Variants in DNAH17 observed in about 807,000 individuals in gnomAD.
DNAH17 encodes the protein dynein axonemal heavy chain 17.
DNAH17 carries 376 observed loss-of-function variants against 485.6 expected under a neutral mutation model. The observed-to-expected ratio is 0.77, with a 90% confidence interval of 0.71 to 0.84. The LOEUF is 0.84. Among genes scored for constraint, DNAH17 ranks in the 40% least tolerant of loss-of-function variants. The probability of loss-of-function intolerance (pLI) is 0.00; values close to 1 mark genes in which losing one functional copy is unlikely to be tolerated. For missense variants in DNAH17, 6,370 were observed against 5,839.3 expected, an observed-to-expected ratio of 1.09 and a Z score of -2.96; for synonymous variants, 3,031 against 2,405.9, an observed-to-expected ratio of 1.26 and a Z score of -7.60.
chr17:78,531,334 TGTC>T (rs1293428658), intron 20 of DNAH17, among the ~76,000 whole-genome samples: 1 of 149,284 alleles, frequency 6.7e-6, no homozygotes. Context: ...ACATAAAGTC[TGTC>T]TTTTTTTTTT....
At chr17:78,438,177 AC>A (rs374718540) in intron 73 of DNAH17, among the ~76,000 whole-genome samples, 13 of 150,860 alleles carry the variant, frequency 8.6e-5, no homozygotes, top group African/African-American at 3.2e-4. Flanking sequence ...TGTGGTCCCC[AC>A]CCCTCCTCTT....
At chr17:78,562,448 A>C (rs949436056) in intron 11 of DNAH17, among the ~76,000 whole-genome samples, 1 of 152,078 alleles carries the variant, frequency 6.6e-6, no homozygotes, top group Admixed American at 6.6e-5. Context: ...AATACAAAGA[A>C]TACATGAAAC....
intron 2 of DNAH17, 80 bp from the exon 3 acceptor site, chr17:78,572,974 G>GT: frequency 7.6e-7 from 1 of 1,312,120 alleles, no homozygotes; most frequent in Admixed American, 2.3e-5. Context: ...TCCCCGGGGG[G>GT]TTCCAAAGAC....
Position 78,510,520 on chromosome 17 carries a change from A to T in DNAH17, c.4114-14T>A, listed in dbSNP as rs751714771. ...TTTAAATTTCACCTAAGGGAAAAAA[A>T]TCCAGGCAGGATTCATTTCAGGTCA... On this transcript the variant is annotated splice_polypyrimidine_tract_variant and intron_variant, in intron 26 of 80. Coordinates refer to ENST00000389840, the MANE Select transcript of DNAH17 (RefSeq NM_173628.4). The T allele has an allele frequency of 1.9e-6, 3 of 1,613,504 alleles. No individual in the cohort carries two copies. The highest frequency in any genetic ancestry group is 4.5e-5 in the East Asian group (2 of 44,846).
chr17:78,511,763 G>C (rs895704931), intron 26 of DNAH17, among the ~76,000 whole-genome samples: 1 of 152,202 alleles, frequency 6.6e-6, no homozygotes, highest in Non-Finnish European at 1.5e-5. Context: ...ATATGTGCCC[G>C]AGGCTCACCA....
rs7223949 is a variant in DNAH17, at chr17:78,552,901, G to A, written c.2179-96C>T. On this transcript the variant is annotated intron_variant, in intron 14 of 80. Transcript: ENST00000389840. The stretch of plus-strand genomic sequence containing the variant: ...TTTATTCCTCAACACCAACTAATAC[G>A]GTTTGGATCTGTGTCCCCACTCAGG... 24,408 of 828,622 alleles carry A rather than the reference G, an allele frequency of 0.029. 477 individuals are homozygous for A. Among genetic ancestry groups the A allele is most frequent in the Non-Finnish European group, 0.036 (17,885 of 490,928 alleles). 51.3% of individuals were successfully genotyped at this position (828,622 alleles called of 1,614,324 possible). A position where few individuals can be genotyped will look rare whatever the true frequency, so the allele number is the denominator to read the frequency against.
intron 51 of DNAH17, among the ~76,000 whole-genome samples, chr17:78,477,037 C>T (rs954752536): frequency 6.6e-6 from 1 of 152,176 alleles, no homozygotes; most frequent in Non-Finnish European, 1.5e-5. Flanking sequence ...CAAAGGAAAG[C>T]AGGTGACCGA....
rs1444949564 is a variant in DNAH17, at chr17:78,475,765, A to T, written c.8223T>A (p.Asp2741Glu). ...IFCHFAQGIG[D>E]PKYVPVTDMA... is the part of the protein sequence containing the mutation. ...TGTCGGTTACAGGAACATATTTGGG[A>T]TCGCCAATCCCTTGAGCAAAGTGGC... Residue 2741 changes from aspartate to glutamate, a missense_variant, in exon 53 of 81, where the codon GAT becomes GAA. Transcript: ENST00000389840. The T allele has an allele frequency of 1.2e-6, 2 of 1,614,008 alleles. No homozygotes were observed. The highest frequency in any genetic ancestry group is 3.3e-5 in the Admixed American group (2 of 60,014).
rs537394529 is a variant in DNAH17, at chr17:78,490,317, C to T, written c.6818+382G>A. 3.9e-5 allele frequency among the ~76,000 whole-genome samples: 6 copies of T among 152,326 alleles called. No individual in the cohort carries two copies. The East Asian group carries it at 7.7e-4, about 20-fold the overall frequency. On this transcript the variant is annotated intron_variant, in intron 44 of 80. Coordinates refer to ENST00000389840, the MANE Select transcript of DNAH17 (RefSeq NM_173628.4). ...CCCACTCCCCACCATGCCCTGTGAA[C>T]GCGGGTTCTTGTCTGGTGTGCTTCT...
intron 54 of DNAH17, among the ~76,000 whole-genome samples, chr17:78,471,683 C>A (rs558248935): frequency 4.7e-4 from 71 of 152,218 alleles, no homozygotes; most frequent in Non-Finnish European, 8.1e-4. Context: ...CTTGAGCCAC[C>A]GCTCCCGGCC....
chr17:78,439,772 T>G (rs1197414741), intron 72 of DNAH17, among the ~76,000 whole-genome samples: 1 of 147,916 alleles, frequency 6.8e-6, no homozygotes, highest in Non-Finnish European at 1.5e-5. Context: ...CGGGTTCAAG[T>G]GATTCTCCTG....
chr17:78,500,332 G>A lies in DNAH17; in HGVS notation c.5613C>T (p.Phe1871=), dbSNP rs749045850. The A allele has an allele frequency of 6.2e-7, 1 of 1,612,454 alleles. No homozygotes were observed. The highest frequency in any genetic ancestry group is 1.1e-5 in the South Asian group (1 of 90,818). The change falls in exon 36 of 81, where the codon TTC becomes TTT. Residue 1871 remains phenylalanine (F), a synonymous_variant. Coordinates refer to ENST00000389840, the MANE Select transcript of DNAH17 (RefSeq NM_173628.4). ...GRALGTMVYV[F]NCSEQMDYKS... ...TGTAGTCCATCTGCTCGGAGCAGTT[G>A]AAGACGTAGACCATGGTGCCCAGGG...
intron 57 of DNAH17, among the ~76,000 whole-genome samples, chr17:78,461,925 T>C (rs1325068022): frequency 6.6e-6 from 1 of 152,098 alleles, no homozygotes; most frequent in African/African-American, 2.4e-5. Context: ...GAGACATTCC[T>C]GGTGCTCAAA....
At chr17:78,485,838 C>A in intron 46 of DNAH17, 81 bp from the exon 47 acceptor site, 1 of 1,571,138 alleles carries the variant, frequency 6.4e-7, no homozygotes, top group South Asian at 1.2e-5. Flanking sequence ...CATGTTCTAC[C>A]GAACAGGTCC....
At chr17:78,449,353 C>A in intron 69 of DNAH17, 61 bp downstream of exon 69, 2 of 1,498,092 alleles carry the variant, frequency 1.3e-6, no homozygotes, top group Non-Finnish European at 9.0e-7. Flanking sequence ...ACAAAGCTCC[C>A]AGGGGTCAGT....
intron 19 of DNAH17, among the ~76,000 whole-genome samples, chr17:78,536,431 C>G (rs1054885105): frequency 2.6e-5 from 4 of 152,092 alleles, no homozygotes; most frequent in African/African-American, 9.7e-5. Flanking sequence ...GCCTGGGCAA[C>G]AGAGCAAGAC....
chr17:78,577,173 TC>T (rs2092444800), intron 1 of DNAH17, 121 bp downstream of exon 1: 1 of 152,344 alleles, frequency 6.6e-6, no homozygotes, highest in South Asian at 2.1e-4. Flanking sequence ...CAGAGCCACT[TC>T]TGGGGTAAGT....
intron 58 of DNAH17, among the ~76,000 whole-genome samples, chr17:78,461,121 G>C (rs1454628583): frequency 7.2e-6 from 1 of 139,070 alleles, no homozygotes; most frequent in African/African-American, 3.1e-5. Flanking sequence ...CTACCCTCTC[G>C]GGGGGGGCCC....
intron 69 of DNAH17, among the ~76,000 whole-genome samples, chr17:78,446,030 C>T (rs944708400): frequency 6.6e-5 from 10 of 151,644 alleles, no homozygotes; most frequent in African/African-American, 1.9e-4. Flanking sequence ...AAAAATTAGC[C>T]GGGCGTGGTG....
Sources: gnomAD v4.1 joint callset for allele counts (sites outside exome capture counted in the v4.1 genomes callset) on GRCh38, gnomAD v4.1.1 for gene constraint, MANE v1.5 for transcripts, NCBI Gene and HGNC (gene_info 2026-07-23, HGNC 2026-07-21) for gene names.